The following WWC1 variants were observed in gnomAD, a reference collection of about 807,000 sequenced individuals.
The protein encoded by WWC1 is protein KIBRA.
WWC1 carries 55 observed loss-of-function variants against 138.4 expected under a neutral mutation model. That is an observed-to-expected ratio of 0.40 (90% CI 0.32 to 0.50). WWC1 has a LOEUF of 0.50. Ranked by LOEUF, WWC1 falls within the 20% of genes least tolerant of loss-of-function variation. WWC1 has a pLI of 0.72. For missense variants in WWC1, 1,226 were observed against 1,420.4 expected (o/e 0.86, Z 2.20); for synonymous variants, 524 against 564.9 (o/e 0.93, Z 1.03).
chr5:168,375,422 A>G (rs1388908396), intron 2 of WWC1, among the ~76,000 whole-genome samples: 1 of 152,194 alleles, frequency 6.6e-6, no homozygotes, highest in East Asian at 1.9e-4. Context: ...GGATAAACCA[A>G]TAGATTTAGC....
At chr5:168,309,664 C>G (rs963137361) in intron 1 of WWC1, among the ~76,000 whole-genome samples, 26 of 152,174 alleles carry the variant, frequency 1.7e-4, no homozygotes, top group African/African-American at 6.3e-4. Context: ...CCCTCTCCCT[C>G]TGTCTTAGAA....
intron 19 of WWC1, among the ~76,000 whole-genome samples, chr5:168,460,349 A>T (rs956457124): frequency 1.4e-4 from 21 of 152,136 alleles, no homozygotes; most frequent in African/African-American, 5.1e-4. Context: ...CTGTCACCTC[A>T]CTTGTGAAAA....
chr5:168,359,248 T>C lies in WWC1; in HGVS notation c.120-12176T>C, dbSNP rs1237036688. On this transcript the variant is annotated intron_variant, in intron 1 of 22. Coordinates refer to ENST00000265293, the MANE Select transcript of WWC1 (RefSeq NM_015238.3). The stretch of plus-strand genomic sequence containing the variant: ...TTTTTTTGTATTGGAGAGACAGGGT[T>C]CCACCATGTTGCCCGGGCTAGTGTT... 2.0e-5 allele frequency among the ~76,000 whole-genome samples: 3 copies of C among 152,174 alleles called. No individual in the cohort carries two copies. The East Asian group carries it at 5.8e-4, about 29-fold the overall frequency.
At chr5:168,383,027 T>G (rs1447850951) in intron 2 of WWC1, among the ~76,000 whole-genome samples, 1 of 151,754 alleles carries the variant, frequency 6.6e-6, no homozygotes, top group Non-Finnish European at 1.5e-5. Context: ...AATACAAAAA[T>G]TAGCTGGGCG....
At chr5:168,359,082 C>A (rs1170915570) in intron 1 of WWC1, among the ~76,000 whole-genome samples, 1 of 148,096 alleles carries the variant, frequency 6.8e-6, no homozygotes, top group South Asian at 2.1e-4. Flanking sequence ...TCGAGACAGA[C>A]TCTCACTCTG....
chr5:168,313,816 T>A (rs533402424), intron 1 of WWC1, among the ~76,000 whole-genome samples: 30 of 152,322 alleles, frequency 2.0e-4, no homozygotes, highest in Admixed American at 3.3e-4. Flanking sequence ...CAATAAACAG[T>A]GGACTTTTAC....
chr5:168,449,269 T>C (rs1755577803), intron 17 of WWC1, among the ~76,000 whole-genome samples: 1 of 152,214 alleles, frequency 6.6e-6, no homozygotes, highest in Non-Finnish European at 1.5e-5. Context: ...TCTTGGAATA[T>C]TGAGATCAGA....
rs200826828 is a variant in WWC1 at position 168,408,654 on chromosome 5, G to A, written c.867+1G>A. On this transcript the variant is annotated splice_donor_variant, in intron 7 of 22. Coordinates refer to ENST00000265293, the MANE Select transcript of WWC1 (RefSeq NM_015238.3). LOFTEE classifies it high-confidence loss of function. ...CTCCCAGACAGACATCTCGGGAAGC[G>A]TGAGTAGACGGGGCAGGTTGCTGGG... is the stretch of plus-strand genomic sequence containing the variant. 48 of 1,614,008 alleles carry A rather than the reference G, an allele frequency of 3.0e-5. No homozygotes were observed. The highest frequency in any genetic ancestry group is 3.6e-5 in the Non-Finnish European group (43 of 1,179,914).
At chr5:168,395,252 C>T (rs1472315179) in intron 3 of WWC1, among the ~76,000 whole-genome samples, 1 of 152,212 alleles carries the variant, frequency 6.6e-6, no homozygotes, top group Non-Finnish European at 1.5e-5. Context: ...AGAGGCACAG[C>T]CTGATGAACA....
chr5:168,372,051 G>GTT (rs1477721476), intron 2 of WWC1, among the ~76,000 whole-genome samples: 4 of 114,784 alleles, frequency 3.5e-5, no homozygotes, highest in Admixed American at 3.0e-4. Flanking sequence ...GAAAGAGTGT[G>GTT]TTTGTGTGTG....
At chr5:168,403,535 A>G (rs1305529845) in intron 5 of WWC1, among the ~76,000 whole-genome samples, 3 of 152,250 alleles carry the variant, frequency 2.0e-5, no homozygotes, top group African/African-American at 7.2e-5. Context: ...TGTTTAAAAA[A>G]GAGAGGAGAG....
At chr5:168,424,933 G>C (rs2152854596) in intron 11 of WWC1, among the ~76,000 whole-genome samples, 1 of 152,322 alleles carries the variant, frequency 6.6e-6, no homozygotes, top group East Asian at 1.9e-4. Context: ...TGCTGACATT[G>C]ACAGCTAAGA....
At chr5:168,313,209 C>T (rs1451615808) in intron 1 of WWC1, among the ~76,000 whole-genome samples, 1 of 152,148 alleles carries the variant, frequency 6.6e-6, no homozygotes. Flanking sequence ...GTGGCAAACT[C>T]CTGTTTGTCT....
chr5:168,446,437 A>G (rs973533602), intron 17 of WWC1, among the ~76,000 whole-genome samples: 2 of 152,192 alleles, frequency 1.3e-5, no homozygotes, highest in African/African-American at 4.8e-5. Flanking sequence ...TTAAGAAACA[A>G]TGACATAGAC....
chr5:168,375,724 G>A (rs1777118260), intron 2 of WWC1, among the ~76,000 whole-genome samples: 1 of 151,866 alleles, frequency 6.6e-6, no homozygotes, highest in Admixed American at 6.6e-5. Context: ...GCAGGTGCCC[G>A]CCACCACGCC....
At chr5:168,338,030 G>A (rs980032702) in intron 1 of WWC1, among the ~76,000 whole-genome samples, 1 of 152,146 alleles carries the variant, frequency 6.6e-6, no homozygotes, top group Non-Finnish European at 1.5e-5. Flanking sequence ...CAGTGGGAAG[G>A]CCAGGCGCAG....
At chr5:168,311,889 A>T (rs1019014699) in intron 1 of WWC1, among the ~76,000 whole-genome samples, 1 of 150,922 alleles carries the variant, frequency 6.6e-6, no homozygotes, top group Non-Finnish European at 1.5e-5. Context: ...AAAAAAAAAA[A>T]ATTACAAAAA....
At chr5:168,333,945 G>T (rs1012812868) in intron 1 of WWC1, among the ~76,000 whole-genome samples, 1 of 151,372 alleles carries the variant, frequency 6.6e-6, no homozygotes, top group Non-Finnish European at 1.5e-5. Context: ...CTGGCAAGGG[G>T]GCTCATGCCT....
chr5:168,374,158 C>T (rs1483022682), intron 2 of WWC1, among the ~76,000 whole-genome samples: 1 of 151,888 alleles, frequency 6.6e-6, no homozygotes, highest in East Asian at 1.9e-4. Flanking sequence ...TATTGGCCAA[C>T]TCTTCTGGGA....
Sources: allele counts gnomAD v4.1 joint callset (sites outside exome capture counted in the v4.1 genomes callset), GRCh38; gene constraint gnomAD v4.1.1; transcripts MANE v1.5; gene names NCBI Gene and HGNC (gene_info 2026-07-23, HGNC 2026-07-21).